ZNF385D: variants seen among roughly 807,000 people sequenced by gnomAD.
ZNF385D encodes zinc finger protein 659.
Under a neutral mutation model 35.8 loss-of-function variants are expected in ZNF385D, and 15 were observed. The observed-to-expected ratio is 0.42, with a 90% CI of 0.28 to 0.64. The LOEUF is 0.64. ZNF385D is among the 30% of genes least tolerant of loss of function. The pLI, the probability that ZNF385D is intolerant of heterozygous loss-of-function variation, is 0.23. For missense variants in ZNF385D, 474 were observed against 494.6 expected, an observed-to-expected ratio of 0.96 and a Z score of 0.39; for synonymous variants, 212 against 186.8, an observed-to-expected ratio of 1.13 and a Z score of -1.10.
At chr3:22,327,775 T>G (rs1293290018) in intron 2 of ZNF385D, among the ~76,000 whole-genome samples, 1 of 152,212 alleles carries the variant, frequency 6.6e-6, no homozygotes, top group Non-Finnish European at 1.5e-5. Context: ...TCAGTGATGC[T>G]GCATAGATGT....
chr3:22,178,240 G>T (rs1168532401), intron 2 of ZNF385D, among the ~76,000 whole-genome samples: 2 of 152,132 alleles, frequency 1.3e-5, no homozygotes, highest in Non-Finnish European at 2.9e-5. Context: ...ATCCTCTCCA[G>T]TACCTGTTGT....
chr3:21,591,661 C>A (rs1035177540), intron 2 of ZNF385D, among the ~76,000 whole-genome samples: 1 of 152,150 alleles, frequency 6.6e-6, no homozygotes, highest in African/African-American at 2.4e-5. Context: ...CAGGGTCACA[C>A]CCTGAGCCTC....
At chr3:22,044,093 C>CT (rs5847157) in intron 3 of ZNF385D, among the ~76,000 whole-genome samples, 74 of 146,884 alleles carry the variant, frequency 5.0e-4, no homozygotes, top group South Asian at 2.4e-3. Flanking sequence ...CTGGGAAAAA[C>CT]TTTTTTTTTT....
intron 2 of ZNF385D, among the ~76,000 whole-genome samples, chr3:22,198,652 C>T (rs183058852): frequency 6.6e-6 from 1 of 151,972 alleles, no homozygotes; most frequent in Admixed American, 6.6e-5. Flanking sequence ...TATGCTGATA[C>T]ATAATTTAAA....
intron 2 of ZNF385D, among the ~76,000 whole-genome samples, chr3:22,210,457 G>C (rs894479113): frequency 2.0e-5 from 3 of 151,768 alleles, no homozygotes; most frequent in Non-Finnish European, 2.9e-5. Flanking sequence ...TATATTTACT[G>C]ACCATCTAAA....
At chr3:22,313,673 G>C (rs964496882) in intron 2 of ZNF385D, among the ~76,000 whole-genome samples, 1 of 152,162 alleles carries the variant, frequency 6.6e-6, no homozygotes, top group African/African-American at 2.4e-5. Flanking sequence ...CAGATGATGA[G>C]TAGCAGGAAA....
At chr3:22,367,427 A>G (rs1696705545) in intron 2 of ZNF385D, among the ~76,000 whole-genome samples, 2 of 152,328 alleles carry the variant, frequency 1.3e-5, no homozygotes, top group Middle Eastern at 3.4e-3. Context: ...TACTGTGAAT[A>G]GAATATACTA....
At chr3:21,570,704 G>T (rs578129308) in intron 2 of ZNF385D, among the ~76,000 whole-genome samples, 2 of 151,986 alleles carry the variant, frequency 1.3e-5, no homozygotes, top group Non-Finnish European at 2.9e-5. Context: ...ATGGCCCTTT[G>T]TCCAATATCA....
chr3:22,168,667 G>A (rs892216239), intron 3 of ZNF385D: 3 of 325,282 alleles, frequency 9.2e-6, no homozygotes, highest in Non-Finnish European at 1.3e-5. Flanking sequence ...GAGAAATGAT[G>A]TATTTTAATG....
intron 2 of ZNF385D, among the ~76,000 whole-genome samples, chr3:22,218,889 CT>C (rs1273187221): frequency 2.0e-5 from 3 of 152,022 alleles, no homozygotes; most frequent in Non-Finnish European, 4.4e-5. Flanking sequence ...AGAGGGCTCA[CT>C]TTTTTCATTA....
chr3:21,647,803 A>G (rs1335306531), intron 2 of ZNF385D, among the ~76,000 whole-genome samples: 2 of 152,210 alleles, frequency 1.3e-5, no homozygotes, highest in Admixed American at 1.3e-4. Context: ...TTTATGTGCT[A>G]TAATATTATA....
intron 1 of ZNF385D, among the ~76,000 whole-genome samples, chr3:21,667,215 G>T (rs1014864016): frequency 3.3e-5 from 5 of 152,204 alleles, no homozygotes; most frequent in Non-Finnish European, 7.3e-5. Flanking sequence ...AGGCTGGAGT[G>T]CTGTGGTGCC....
chr3:22,128,578 T>C (rs1703585319), intron 3 of ZNF385D, among the ~76,000 whole-genome samples: 1 of 152,160 alleles, frequency 6.6e-6, no homozygotes, highest in African/African-American at 2.4e-5. Flanking sequence ...ATTCTTTTTG[T>C]CTCCTCTGTG....
chr3:21,459,744 T>C (rs140070729), intron 4 of ZNF385D, among the ~76,000 whole-genome samples: 1 of 152,328 alleles, frequency 6.6e-6, no homozygotes, highest in Non-Finnish European at 1.5e-5. Context: ...ACTATTATGT[T>C]GCTTGATGAA....
chr3:21,759,970 G>A (rs1474964352), intron 3 of ZNF385D, among the ~76,000 whole-genome samples: 1 of 152,148 alleles, frequency 6.6e-6, no homozygotes, highest in Non-Finnish European at 1.5e-5. Flanking sequence ...TTCCAAGTGT[G>A]CATAATTCTG....
Position 22,062,985 on chromosome 3 carries a change from A to G in ZNF385D, c.325+105832T>C, listed in dbSNP as rs113589508. On this transcript the variant is annotated intron_variant, in intron 3 of 5. Coordinates refer to the ZNF385D transcript ENST00000494108. ...AGAAATTCTAAGCCAGAACCACCCA[A>G]ACAAGACACTCTCAGCCTCATGACT... Among the ~76,000 whole-genome samples, 1,264 of 152,266 alleles carry G rather than the reference A, an allele frequency of 8.3e-3. 16 individuals are homozygous for G. Among genetic ancestry groups the G allele is most frequent in the African/African-American group, 0.028 (1,180 of 41,552 alleles).
chr3:21,959,172 G>C (rs1365600969), intron 3 of ZNF385D, among the ~76,000 whole-genome samples: 3 of 152,158 alleles, frequency 2.0e-5, no homozygotes, highest in African/African-American at 7.2e-5. Flanking sequence ...TTAGTATACA[G>C]CAATGTGAGA....
chr3:21,647,386 C>G (rs530473665), intron 2 of ZNF385D, among the ~76,000 whole-genome samples: 1 of 150,592 alleles, frequency 6.6e-6, no homozygotes, highest in Non-Finnish European at 1.5e-5. Context: ...TCCTTTCTAC[C>G]GTTCTTCCTT....
At chr3:21,756,609 G>A (rs895418831) in intron 3 of ZNF385D, among the ~76,000 whole-genome samples, 12 of 152,112 alleles carry the variant, frequency 7.9e-5, no homozygotes, top group African/African-American at 2.7e-4. Context: ...AGTATAGATT[G>A]AAAAAGGAGA....
Sources: allele counts gnomAD v4.1 joint callset (sites outside exome capture counted in the v4.1 genomes callset), GRCh38; gene constraint gnomAD v4.1.1; transcripts MANE v1.5; gene names NCBI Gene and HGNC (gene_info 2026-07-23, HGNC 2026-07-21).